The following DLGAP2 variants were observed in gnomAD, a reference collection of about 807,000 sequenced individuals.
DLGAP2 encodes disks large-associated protein 2.
A neutral mutation model predicts 100.3 loss-of-function variants in DLGAP2; 26 were observed. That is an observed-to-expected ratio of 0.26 (90% CI 0.19 to 0.36). The LOEUF is 0.36. Among genes scored for constraint, DLGAP2 ranks in the 10% least tolerant of loss-of-function variants. The pLI is 1.00. For missense variants in DLGAP2, 1,858 were observed against 1,453.2 expected (o/e 1.28, Z -4.53); for synonymous variants, 886 against 630.1 (o/e 1.41, Z -6.08).
At chr8:1,325,021 C>G (rs1186416864) in intron 3 of DLGAP2, among the ~76,000 whole-genome samples, 1 of 152,214 alleles carries the variant, frequency 6.6e-6, no homozygotes. Context: ...CAGGCCAGAT[C>G]ATTCTCTCAG....
Position 1,321,332 on chromosome 8 carries a change from G to C in DLGAP2, c.106+62449G>C, listed in dbSNP as rs191794980. ...TGTCTCTGCGTGTGCGTGTGTGTCT[G>C]TGTGTCTCTGCATGTGCTTATGCAT... On this transcript the variant is annotated intron_variant, in intron 3 of 14. Transcript: ENST00000637795. Among the ~76,000 whole-genome samples the C allele has an allele frequency of 9.1e-3, 1,381 of 151,378 alleles. 30 individuals carry two copies. Among genetic ancestry groups the C allele is most frequent in the African/African-American group, 0.032 (1,316 of 41,204 alleles).
At chr8:995,757 A>G (rs1346575476) in intron 2 of DLGAP2, among the ~76,000 whole-genome samples, 3 of 152,220 alleles carry the variant, frequency 2.0e-5, no homozygotes, top group Non-Finnish European at 4.4e-5. Flanking sequence ...CTTATTTATG[A>G]AAAGTAGAAG....
At chr8:1,344,836 G>A (rs1043183560) in intron 3 of DLGAP2, among the ~76,000 whole-genome samples, 18 of 152,204 alleles carry the variant, frequency 1.2e-4, no homozygotes, top group Admixed American at 7.9e-4. Context: ...CAGAACACAT[G>A]TTTGTTGAAC....
chr8:1,481,556 G>A (rs2130247302), intron 3 of DLGAP2, among the ~76,000 whole-genome samples: 1 of 125,722 alleles, frequency 8.0e-6, no homozygotes, highest in East Asian at 2.5e-4. Flanking sequence ...TTGGATCACT[G>A]CAACCTCCAG....
At chr8:965,490 C>T (rs1381868752) in intron 2 of DLGAP2, among the ~76,000 whole-genome samples, 3 of 120,550 alleles carry the variant, frequency 2.5e-5, no homozygotes, top group African/African-American at 7.1e-5. Flanking sequence ...CGGCACTGTT[C>T]ACCACACAGG....
intron 3 of DLGAP2, among the ~76,000 whole-genome samples, chr8:1,307,657 C>G (rs1800520794): frequency 1.3e-5 from 2 of 152,198 alleles, no homozygotes; most frequent in African/African-American, 2.4e-5. Context: ...AAAATGGGGC[C>G]TAGACGGGTG....
intron 2 of DLGAP2, among the ~76,000 whole-genome samples, chr8:979,789 T>G (rs558295295): frequency 6.6e-6 from 1 of 152,368 alleles, no homozygotes; most frequent in East Asian, 1.9e-4. Context: ...TTTTGAGATG[T>G]AACAGTTTTG....
chr8:925,746 T>C (rs1306436739), intron 2 of DLGAP2, among the ~76,000 whole-genome samples: 3 of 152,268 alleles, frequency 2.0e-5, no homozygotes, highest in East Asian at 3.9e-4. Context: ...TTGGCTCATG[T>C]GGTTATGAGG....
At chr8:1,084,036 C>T (rs150246938) in intron 2 of DLGAP2, among the ~76,000 whole-genome samples, 1 of 152,162 alleles carries the variant, frequency 6.6e-6, no homozygotes, top group Non-Finnish European at 1.5e-5. Context: ...GTGTGATTAA[C>T]ACACAAACTT....
intron 2 of DLGAP2, among the ~76,000 whole-genome samples, chr8:1,061,179 C>T (rs781494907): frequency 6.6e-6 from 1 of 152,164 alleles, no homozygotes; most frequent in African/African-American, 2.4e-5. Context: ...CAGCCTTGTT[C>T]GTGGTGAGCC....
intron 3 of DLGAP2, among the ~76,000 whole-genome samples, chr8:1,373,445 G>C (rs1284987189): frequency 2.0e-5 from 3 of 152,206 alleles, no homozygotes; most frequent in African/African-American, 7.2e-5. Flanking sequence ...GCCGGACAGA[G>C]AGCCGTGTCG....
At position 1,357,978 on chromosome 8, in the gene DLGAP2, C is replaced by G. The variant is rs368674388; in HGVS notation, c.106+99095C>G. Among the ~76,000 whole-genome samples, 3 of 152,254 alleles carry G rather than the reference C, an allele frequency of 2.0e-5. No homozygotes were observed. In the East Asian group the frequency reaches 5.8e-4, roughly 29 times the overall value. ...TGCTGAAATTTAGGACAGACCCAAT[C>G]GACTTAGAGAGCTGTCTCAGGACTC... On this transcript the variant is annotated intron_variant, in intron 3 of 14. Transcript: ENST00000637795.
intron 3 of DLGAP2, among the ~76,000 whole-genome samples, chr8:1,338,946 G>A (rs1297300956): frequency 2.4e-3 from 319 of 131,420 alleles, no homozygotes; most frequent in African/African-American, 4.0e-3. Context: ...ACCTCAGTGA[G>A]GCGTCAGGAC....
chr8:880,029 A>G (rs1280881029), intron 1 of DLGAP2, among the ~76,000 whole-genome samples: 1 of 152,144 alleles, frequency 6.6e-6, no homozygotes, highest in Non-Finnish European at 1.5e-5. Flanking sequence ...AGAAATGTAG[A>G]GGTCTTCAGG....
chr8:1,214,289 C>T (rs955713239), intron 2 of DLGAP2, among the ~76,000 whole-genome samples: 2 of 152,308 alleles, frequency 1.3e-5, no homozygotes, highest in East Asian at 3.9e-4. Flanking sequence ...ACCACAGCTC[C>T]AGGACAAAAG....
chr8:1,457,186 C>T (rs1039099585), intron 3 of DLGAP2, among the ~76,000 whole-genome samples: 9 of 152,144 alleles, frequency 5.9e-5, no homozygotes, highest in East Asian at 3.8e-4. Flanking sequence ...TTTGTGTATT[C>T]GTTTTCATCC....
At chr8:1,191,489 A>G (rs995625343) in intron 2 of DLGAP2, among the ~76,000 whole-genome samples, 1 of 152,230 alleles carries the variant, frequency 6.6e-6, no homozygotes, top group African/African-American at 2.4e-5. Flanking sequence ...TATCTATAAG[A>G]AAATTCTACA....
chr8:831,812 C>G (rs1796789715), intron 1 of DLGAP2, among the ~76,000 whole-genome samples: 1 of 152,168 alleles, frequency 6.6e-6, no homozygotes, highest in Admixed American at 6.5e-5. Flanking sequence ...AATGGTTGAA[C>G]TAATTTACAT....
At chr8:1,003,735 G>T (rs576060158) in intron 2 of DLGAP2, among the ~76,000 whole-genome samples, 2 of 152,286 alleles carry the variant, frequency 1.3e-5, no homozygotes, top group African/African-American at 4.8e-5. Flanking sequence ...TAGGGCTGTT[G>T]TCTGAGCGCC....
Sources: gnomAD v4.1 joint callset for allele counts (sites outside exome capture counted in the v4.1 genomes callset) on GRCh38, gnomAD v4.1.1 for gene constraint, MANE v1.5 for transcripts, NCBI Gene and HGNC (gene_info 2026-07-23, HGNC 2026-07-21) for gene names.